Variants in MVB12B observed in about 807,000 individuals in gnomAD.
MVB12B encodes the protein multivesicular body subunit 12B.
Under a neutral mutation model 41.6 loss-of-function variants are expected in MVB12B, and 16 were observed. The observed-to-expected ratio is 0.38, with a 90% CI of 0.26 to 0.58. The LOEUF (loss-of-function observed/expected upper bound fraction) is 0.58. Ranked by LOEUF, MVB12B falls within the 20% of genes least tolerant of loss-of-function variation. The probability of loss-of-function intolerance (pLI) is 0.62; values close to 1 mark genes in which losing one functional copy is unlikely to be tolerated. For missense variants in MVB12B, 274 were observed against 380.2 expected, an observed-to-expected ratio of 0.72 and a Z score of 2.32; for synonymous variants, 133 against 139.7, an observed-to-expected ratio of 0.95 and a Z score of 0.34.
chr9:126,444,033 C>T (rs1198055950), intron 7 of MVB12B, among the ~76,000 whole-genome samples: 1 of 152,210 alleles, frequency 6.6e-6, no homozygotes, highest in Non-Finnish European at 1.5e-5. Context: ...CTTTCCAACA[C>T]TCCAGGTGTC....
At chr9:126,361,462 TA>T (rs1327619585) in intron 2 of MVB12B, among the ~76,000 whole-genome samples, 2 of 152,222 alleles carry the variant, frequency 1.3e-5, no homozygotes, top group Non-Finnish European at 2.9e-5. Flanking sequence ...ATAAAAGACT[TA>T]AAAATAATAA....
intron 7 of MVB12B, among the ~76,000 whole-genome samples, chr9:126,467,091 G>C (rs7047974): frequency 0.65 from 99,023 of 151,940 alleles, 32,711 homozygotes; most frequent in East Asian, 0.97. Flanking sequence ...ACCTCGGCCT[G>C]CCAAAGTGCT....
intron 6 of MVB12B, among the ~76,000 whole-genome samples, chr9:126,420,111 C>G (rs1220115876): frequency 6.6e-6 from 1 of 152,224 alleles, no homozygotes; most frequent in East Asian, 1.9e-4. Context: ...AAGCCCCGTT[C>G]CCTTTAACAG....
intron 7 of MVB12B, among the ~76,000 whole-genome samples, chr9:126,439,910 T>C (rs1832588173): frequency 6.6e-6 from 1 of 152,240 alleles, no homozygotes; most frequent in African/African-American, 2.4e-5. Context: ...ATAATGTATC[T>C]TAAGTACAGT....
chr9:126,491,191 T>C (rs370168045), intron 9 of MVB12B, among the ~76,000 whole-genome samples: 2 of 152,366 alleles, frequency 1.3e-5, no homozygotes, highest in East Asian at 3.9e-4. Flanking sequence ...TGAAAAGGAT[T>C]TTTGAATTCA....
intron 9 of MVB12B, among the ~76,000 whole-genome samples, chr9:126,501,743 C>T (rs1184402747): frequency 6.6e-6 from 1 of 152,258 alleles, no homozygotes. Flanking sequence ...TTGGGCCCCA[C>T]TGTGCCCCTG....
intron 7 of MVB12B, among the ~76,000 whole-genome samples, chr9:126,472,972 A>T (rs1413260658): frequency 3.3e-5 from 5 of 152,276 alleles, no homozygotes. Flanking sequence ...TAAAAAAAAA[A>T]TTTAAAAACA....
At position 126,333,865 on chromosome 9, in the gene MVB12B, CCA is replaced by C. The variant is rs1829201654; in HGVS notation, c.82-6642_82-6641del. Among the ~76,000 whole-genome samples the C allele has an allele frequency of 3.3e-5, 5 of 151,938 alleles. No individual in the cohort carries two copies. Among genetic ancestry groups the C allele is most frequent in the African/African-American group, 1.2e-4 (5 of 41,348 alleles). ...TCATTCCATCCATCCATCCATCCATCCATCCATCCATCCATCCATCCATTCGT... is the reference window on the plus strand; with the variant it reads ...TCATTCCATCCATCCATCCATCCATCTCCATCCATCCATCCATCCATTCGT... On this transcript the variant is annotated intron_variant, in intron 1 of 9. Transcript: ENST00000361171. The surrounding 1 kb of genome is among the most constrained non-coding windows in gnomAD (Gnocchi z 4.7).
chr9:126,375,017 T>C (rs1830440615), intron 2 of MVB12B, among the ~76,000 whole-genome samples: 1 of 152,228 alleles, frequency 6.6e-6, no homozygotes, highest in Non-Finnish European at 1.5e-5. Flanking sequence ...GCATTTATTT[T>C]CCACTTTTTA....
chr9:126,423,603 C>T (rs1049672515), intron 7 of MVB12B, among the ~76,000 whole-genome samples: 2 of 152,200 alleles, frequency 1.3e-5, no homozygotes, highest in South Asian at 4.1e-4. Context: ...AATTTCAGGC[C>T]TCCTCAGTGG....
chr9:126,379,316 A>C (rs1830572333), intron 2 of MVB12B, among the ~76,000 whole-genome samples: 1 of 152,186 alleles, frequency 6.6e-6, no homozygotes, highest in African/African-American at 2.4e-5. Context: ...GCATCCTAGA[A>C]TTGAGGAAAT....
At chr9:126,419,554 G>A (rs1161240331) in intron 6 of MVB12B, among the ~76,000 whole-genome samples, 1 of 152,198 alleles carries the variant, frequency 6.6e-6, no homozygotes, top group Non-Finnish European at 1.5e-5. Context: ...CTGGCACCTG[G>A]TGACACTCTC....
intron 7 of MVB12B, among the ~76,000 whole-genome samples, chr9:126,460,258 G>A (rs533803532): frequency 2.0e-5 from 3 of 152,288 alleles, no homozygotes; most frequent in South Asian, 2.1e-4. Flanking sequence ...CTTTGCTGCC[G>A]CCTTGCTGGA....
intron 7 of MVB12B, among the ~76,000 whole-genome samples, chr9:126,469,678 T>C (rs1468675): frequency 0.23 from 35,209 of 152,168 alleles, 4,526 homozygotes; most frequent in Middle Eastern, 0.29. Context: ...CGTATCTGCA[T>C]TGGACCTTGG....
At chr9:126,465,047 G>T (rs1057308779) in intron 7 of MVB12B, among the ~76,000 whole-genome samples, 1 of 152,190 alleles carries the variant, frequency 6.6e-6, no homozygotes, top group Non-Finnish European at 1.5e-5. Context: ...GAAAGGGAAG[G>T]CCCAGGACCT....
intron 9 of MVB12B, among the ~76,000 whole-genome samples, chr9:126,495,191 CAAAAAA>C (rs5900709): frequency 7.6e-6 from 1 of 131,928 alleles, no homozygotes; most frequent in African/African-American, 2.9e-5. Context: ...GATCCTGTCT[CAAAAAA>C]AAAAAAAAAA....
At chr9:126,466,595 A>G (rs541684732) in intron 7 of MVB12B, among the ~76,000 whole-genome samples, 1 of 152,288 alleles carries the variant, frequency 6.6e-6, no homozygotes, top group South Asian at 2.1e-4. Flanking sequence ...AGACCGCACC[A>G]AAGAAGACTT....
intron 6 of MVB12B, among the ~76,000 whole-genome samples, chr9:126,409,437 G>T (rs1831557156): frequency 6.8e-6 from 1 of 147,666 alleles, no homozygotes; most frequent in Non-Finnish European, 1.5e-5. Context: ...TGTGAAATGG[G>T]GATAGAAATG....
At chr9:126,444,610 C>T (rs142679167) in intron 7 of MVB12B, among the ~76,000 whole-genome samples, 1 of 152,214 alleles carries the variant, frequency 6.6e-6, no homozygotes, top group Non-Finnish European at 1.5e-5. Context: ...CGCTTGTTTC[C>T]AGTTTCTGCT....
Sources: allele counts gnomAD v4.1 joint callset (sites outside exome capture counted in the v4.1 genomes callset), GRCh38; gene constraint gnomAD v4.1.1; non-coding constraint Gnocchi (gnomAD v3.1); transcripts MANE v1.5; gene names NCBI Gene and HGNC (gene_info 2026-07-23, HGNC 2026-07-21).